The following CDH4 variants were observed in gnomAD, a reference collection of about 807,000 sequenced individuals.
The protein encoded by CDH4 is cadherin-4.
In CDH4, 33 loss-of-function variants were observed where a neutral mutation model predicts 86.0. The observed-to-expected ratio is 0.38, with a 90% CI of 0.29 to 0.51. The LOEUF (loss-of-function observed/expected upper bound fraction) is 0.51, where lower values mean the gene tolerates loss of function less well. CDH4 is among the 20% of genes least tolerant of loss of function. The pLI, the probability that CDH4 is intolerant of heterozygous loss-of-function variation, is 0.86. For missense variants in CDH4, 1,114 were observed against 1,307.4 expected, an observed-to-expected ratio of 0.85 and a Z score of 2.28; for synonymous variants, 555 against 549.4, an observed-to-expected ratio of 1.01 and a Z score of -0.14.
chr20:61,534,661 CTTTCTT>C (rs535875766), intron 2 of CDH4, among the ~76,000 whole-genome samples: 3,168 of 89,124 alleles, frequency 0.036, 164 homozygotes, highest in African/African-American at 0.23. Context: ...TTCTTTCTTT[CTTTCTT>C]TTTTTTTTTT....
intron 2 of CDH4, among the ~76,000 whole-genome samples, chr20:61,695,054 T>C (rs958478018): frequency 9.2e-5 from 14 of 152,230 alleles, no homozygotes; most frequent in Admixed American, 5.9e-4. Context: ...TGTGCAACGT[T>C]TTCACTGCCT....
At chr20:61,666,870 C>A (rs192621250) in intron 2 of CDH4, among the ~76,000 whole-genome samples, 1 of 152,368 alleles carries the variant, frequency 6.6e-6, no homozygotes, top group African/African-American at 2.4e-5. Context: ...GGCCCAGCTT[C>A]CGCTTCCCCT....
intron 2 of CDH4, among the ~76,000 whole-genome samples, chr20:61,382,233 A>T (rs1239895874): frequency 6.6e-6 from 1 of 152,222 alleles, no homozygotes; most frequent in African/African-American, 2.4e-5. Context: ...AGCTTACTTG[A>T]TGCCTATTGA....
rs2084068003 is a variant in CDH4 at position 61,252,588 on chromosome 20, G to A, written c.57+18G>A. 3.3e-6 allele frequency: 4 copies of A among 1,199,882 alleles called. No homozygotes were observed. The highest frequency in any genetic ancestry group is 4.1e-6 in the Non-Finnish European group (4 of 966,426). 74.3% of individuals were successfully genotyped at this position (1,199,882 alleles called of 1,614,324 possible). A position where few individuals can be genotyped will look rare whatever the true frequency, so the allele number is the denominator to read the frequency against. On this transcript the variant is annotated intron_variant, in intron 1 of 15. Transcript: ENST00000614565. The surrounding 1 kb of genome is among the most constrained non-coding windows in gnomAD (Gnocchi z 4.4). ...CGCTCCGGGTAAGTTGCCGCCTCCC[G>A]CCCCCGCCGTTCGGAAGCCCCGGGC... is the stretch of plus-strand genomic sequence containing the variant.
rs1173585396 is a variant in CDH4, at chr20:61,501,443, C to T, written c.170-242120C>T. Among the ~76,000 whole-genome samples, 6 of 152,122 alleles carry T rather than the reference C, an allele frequency of 3.9e-5. No homozygotes were observed. The highest frequency in any genetic ancestry group is 4.8e-5 in the African/African-American group (2 of 41,426). ...GTTTACCTGGCTACGTACTTGGCCA[C>T]GGAGAGTCCAGGTGGGAAGAATTTA... On this transcript the variant is annotated intron_variant, in intron 2 of 15. Transcript: ENST00000614565. This position sits in a 1 kb window ranked among gnomAD's most constrained non-coding sequence, Gnocchi z 4.2.
chr20:61,551,219 C>G (rs1022809121), intron 2 of CDH4, among the ~76,000 whole-genome samples: 5 of 152,178 alleles, frequency 3.3e-5, no homozygotes, highest in African/African-American at 1.2e-4. Context: ...TTGTGCGTTT[C>G]AGTCCACAGC....
chr20:61,392,110 A>C lies in CDH4; in HGVS notation c.169+137173A>C. ...TGGAGAAAGGCCTAGAGAGCTTTGC[A>C]GGACCAAGTGGTGGTCGGGCAGCCC... On this transcript the variant is annotated intron_variant, in intron 2 of 15. Coordinates refer to ENST00000614565, the MANE Select transcript of CDH4 (RefSeq NM_001794.5). The surrounding 1 kb of genome is among the most constrained non-coding windows in gnomAD (Gnocchi z 5.7). Among the ~76,000 whole-genome samples, 1 of 151,958 alleles carries C rather than the reference A, an allele frequency of 6.6e-6. No homozygotes were observed. The highest frequency in any genetic ancestry group is 1.9e-4 in the East Asian group (1 of 5,170).
At chr20:61,620,705 C>A (rs1600813633) in intron 2 of CDH4, among the ~76,000 whole-genome samples, 1 of 152,232 alleles carries the variant, frequency 6.6e-6, no homozygotes, top group African/African-American at 2.4e-5. Context: ...AAACCAACAT[C>A]TTTCCCTTTA....
At chr20:61,776,058 C>G (rs1261928734) in intron 4 of CDH4, among the ~76,000 whole-genome samples, 1 of 152,168 alleles carries the variant, frequency 6.6e-6, no homozygotes, top group Admixed American at 6.5e-5. Context: ...CTGGGACAGG[C>G]CCCATGAAAG....
chr20:61,369,848 G>A (rs1209665408), intron 2 of CDH4: 1 of 152,258 alleles, frequency 6.6e-6, no homozygotes, highest in Non-Finnish European at 1.5e-5. Flanking sequence ...AGGAGAAGGT[G>A]CCTGGCCACA....
At chr20:61,405,203 G>A (rs915708825) in intron 2 of CDH4, among the ~76,000 whole-genome samples, 23 of 151,890 alleles carry the variant, frequency 1.5e-4, no homozygotes, top group African/African-American at 5.6e-4. Context: ...GGGATGCGCT[G>A]CGTATCTGTG....
intron 2 of CDH4, among the ~76,000 whole-genome samples, chr20:61,536,304 G>A (rs1600737632): frequency 2.0e-5 from 3 of 152,342 alleles, no homozygotes; most frequent in Admixed American, 2.0e-4. Context: ...TGCCAACAGG[G>A]CTGAGGGCAC....
chr20:61,611,917 ACTT>A (rs1377194867), intron 2 of CDH4, among the ~76,000 whole-genome samples: 3 of 151,826 alleles, frequency 2.0e-5, no homozygotes, highest in Non-Finnish European at 2.9e-5. Flanking sequence ...ATGGGCGAAA[ACTT>A]CTTGTTGTGT....
chr20:61,749,866 G>A lies in CDH4; in HGVS notation c.396+6077G>A, dbSNP rs182065145. On this transcript the variant is annotated intron_variant, in intron 3 of 15. Coordinates refer to ENST00000614565, the MANE Select transcript of CDH4 (RefSeq NM_001794.5). The stretch of plus-strand genomic sequence containing the variant: ...ACCTGAGGTCAGGAGCTTGAGCCCA[G>A]CCCAGCCAACGTGGTGAAACCCTGT... 2.6e-3 allele frequency among the ~76,000 whole-genome samples: 399 copies of A among 152,286 alleles called. 6 individuals are homozygous for A. Among genetic ancestry groups the A allele is most frequent in the Middle Eastern group, 0.017 (5 of 294 alleles).
At chr20:61,304,275 C>T (rs1412462130) in intron 2 of CDH4, among the ~76,000 whole-genome samples, 1 of 151,922 alleles carries the variant, frequency 6.6e-6, no homozygotes, top group Non-Finnish European at 1.5e-5. Context: ...CCCCCCAACC[C>T]CCCGTTCTTT....
Position 61,535,345 on chromosome 20 carries a change from C to G in CDH4, c.170-208218C>G, listed in dbSNP as rs564615902. On this transcript the variant is annotated intron_variant, in intron 2 of 15. Transcript: ENST00000614565. ...GCCAAGGGGACAGCCCCGGGGCGGC[C>G]CTCAGGCTCAGCCTCGTGGGCACGG... 3.9e-5 allele frequency among the ~76,000 whole-genome samples: 6 copies of G among 152,328 alleles called. No individual in the cohort carries two copies. The East Asian group carries it at 1.2e-3, about 29-fold the overall frequency.
intron 2 of CDH4, among the ~76,000 whole-genome samples, chr20:61,506,100 C>T (rs1409613876): frequency 4.6e-5 from 7 of 152,126 alleles, no homozygotes; most frequent in Non-Finnish European, 1.0e-4. Flanking sequence ...TTATTATTTG[C>T]GTTAAATATT....
intron 2 of CDH4, among the ~76,000 whole-genome samples, chr20:61,335,541 T>C (rs115302572): frequency 0.011 from 1,687 of 152,298 alleles, 31 homozygotes; most frequent in African/African-American, 0.038. Context: ...GCACCAGCAG[T>C]TGTTCCTAAT....
intron 8 of CDH4, among the ~76,000 whole-genome samples, chr20:61,903,415 G>A (rs147157660): frequency 0.011 from 1,657 of 151,982 alleles, 17 homozygotes; most frequent in Non-Finnish European, 0.019. Context: ...CATGATGGCG[G>A]GTGCTTGTAA....
Sources: allele counts gnomAD v4.1 joint callset (sites outside exome capture counted in the v4.1 genomes callset), GRCh38; gene constraint gnomAD v4.1.1; non-coding constraint Gnocchi (gnomAD v3.1); transcripts MANE v1.5; gene names NCBI Gene and HGNC (gene_info 2026-07-23, HGNC 2026-07-21).